The following TNFRSF12A variants were observed in gnomAD, a reference collection of about 807,000 sequenced individuals.
TNFRSF12A encodes the protein TNF receptor superfamily member 12A.
In TNFRSF12A, 13 loss-of-function variants were observed where a neutral mutation model predicts 15.5. The ratio of observed to expected loss-of-function variants is 0.84; its 90% CI spans 0.54 to 1.33. The LOEUF is 1.33. TNFRSF12A is among the 40% of genes most tolerant of loss of function. The pLI, the probability that TNFRSF12A is intolerant of heterozygous loss-of-function variation, is 0.00. For synonymous variants in TNFRSF12A, 89 were observed against 78.4 expected, an observed-to-expected ratio of 1.14 and a Z score of -0.71; for missense variants, 174 against 173.6, an observed-to-expected ratio of 1.00 and a Z score of -0.01.
At chr16:3,021,501 G>T in intron 2 of TNFRSF12A, 54 bp from the exon 3 acceptor site, 1 of 1,520,162 alleles carries the variant, frequency 6.6e-7, no homozygotes. Flanking sequence ...TCAGTCTTAG[G>T]GGGCGGGGCT....
Position 3,022,038 on chromosome 16 carries a change from G to A in TNFRSF12A, c.*212G>A, listed in dbSNP as rs1379424740. 1.1e-5 allele frequency: 6 copies of A among 564,318 alleles called. No homozygotes were observed. The highest frequency in any genetic ancestry group is 1.6e-5 in the Non-Finnish European group (5 of 321,452). The allele number at this position is 564,318 out of a possible 1,614,324, so 35.0% of individuals were successfully genotyped here. ...CTGCCTCTGGCTCCAGAACAGAAAG[G>A]GAGCCTCACGCTGGCTCACACAAAA... On this transcript the variant is annotated 3_prime_UTR_variant, in exon 4 of 4. Coordinates refer to ENST00000326577, the MANE Select transcript of TNFRSF12A (RefSeq NM_016639.3).
chr16:3,020,475 C>A lies in TNFRSF12A; in HGVS notation c.78C>A (p.Ala26=). The change falls in exon 1 of 4, where the codon GCC becomes GCA. Residue 26 remains alanine, a synonymous_variant. Coordinates refer to ENST00000326577, the MANE Select transcript of TNFRSF12A (RefSeq NM_016639.3). ...GGCTGGCGTTGCTGCGCTCCGTGGCCGGGGAGCAAGCGCCAGGTACGCGGG... is the reference window on the plus strand; with the variant it reads ...GGCTGGCGTTGCTGCGCTCCGTGGCAGGGGAGCAAGCGCCAGGTACGCGGG... The part of the protein sequence containing the change: ...GLWLALLRSV[A]GEQAPGTAPC... The A allele has an allele frequency of 7.7e-7, 1 of 1,294,502 alleles. No individual in the cohort carries two copies. 80.2% of individuals were successfully genotyped at this position (1,294,502 alleles called of 1,614,324 possible).
At chr16:3,021,477 A>C in intron 2 of TNFRSF12A, 78 bp from the exon 3 acceptor site, 1 of 1,459,114 alleles carries the variant, frequency 6.9e-7, no homozygotes, top group Non-Finnish European at 9.0e-7. Flanking sequence ...CACGTTTGGG[A>C]GAAGGCAGAA....
chr16:3,021,635 C>T lies in TNFRSF12A; in HGVS notation c.280C>T (p.Leu94=). Residue 94 remains leucine, a synonymous_variant, in exon 3 of 4, where the codon CTG becomes TTG. Transcript: ENST00000326577. ...TCTGAGCCTGACCTTCGTGCTGGGG[C>T]TGCTTTCTGGCTTTTTGGTCTGGAG... is the stretch of plus-strand genomic sequence containing the variant. ...GALSLTFVLG[L]LSGFLVWRRC... 2.5e-6 allele frequency: 4 copies of T among 1,613,744 alleles called. No homozygotes were observed. The highest frequency in any genetic ancestry group is 3.4e-6 in the Non-Finnish European group (4 of 1,180,006).
At chr16:3,021,497 T>C in intron 2 of TNFRSF12A, 58 bp from the exon 3 acceptor site, 3 of 1,516,480 alleles carry the variant, frequency 2.0e-6, no homozygotes, top group Non-Finnish European at 2.6e-6. Flanking sequence ...AGGCTCAGTC[T>C]TAGGGGGCGG....
At position 3,020,479 on chromosome 16, in the gene TNFRSF12A, G is replaced by T. The variant is rs759792091; in HGVS notation, c.82G>T (p.Glu28Ter). 2.3e-6 allele frequency: 3 copies of T among 1,294,354 alleles called. No individual in the cohort carries two copies. The highest frequency in any genetic ancestry group is 2.9e-6 in the Non-Finnish European group (3 of 1,019,930). 80.2% of individuals were successfully genotyped at this position (1,294,354 alleles called of 1,614,324 possible). ...WLALLRSVAG[E>*]QAPGTAPCSR... ...GGCGTTGCTGCGCTCCGTGGCCGGG[G>T]AGCAAGCGCCAGGTACGCGGGACTC... The change falls in exon 1 of 4, where the codon GAG (glutamate) becomes TAG (stop). Residue 28 changes from glutamate to a stop codon, truncating the protein, a stop_gained. Transcript: ENST00000326577. LOFTEE classifies it high-confidence loss of function.
chr16:3,020,630 G>T (rs921308986), intron 1 of TNFRSF12A, 139 bp downstream of exon 1: 8 of 500,222 alleles, frequency 1.6e-5, no homozygotes, highest in African/African-American at 1.6e-4. Context: ...GCTCGCTCCC[G>T]GCTGTGGGAA....
In TNFRSF12A at chr16:3,022,354, T is replaced by C. The variant is rs2072624218; in HGVS notation, c.*528T>C. 5.1e-6 allele frequency: 1 copy of C among 194,458 alleles called. No individual in the cohort carries two copies. Among genetic ancestry groups the C allele is most frequent in the African/African-American group, 2.3e-5 (1 of 43,078 alleles). The allele number at this position is 194,458 out of a possible 1,614,324, so 12.0% of individuals were successfully genotyped here. A position where few individuals can be genotyped will look rare whatever the true frequency, so the allele number is the denominator to read the frequency against. Reference sequence around the variant, plus strand: ...GGGAGAGTTTGGAGGGGAGGGAGAATTTATTAATAAAAGAATCTTTAACTT... The same window carrying C: ...GGGAGAGTTTGGAGGGGAGGGAGAACTTATTAATAAAAGAATCTTTAACTT... On this transcript the variant is annotated 3_prime_UTR_variant, in exon 4 of 4. Transcript: ENST00000326577.
rs866202462 is a variant in TNFRSF12A, at chr16:3,022,026, C to T, written c.*200C>T. ...TGTCTGGTTGCCCTGCCTCTGGCTC[C>T]AGAACAGAAAGGGAGCCTCACGCTG... is the stretch of plus-strand genomic sequence containing the variant. On this transcript the variant is annotated 3_prime_UTR_variant, in exon 4 of 4. Coordinates refer to ENST00000326577, the MANE Select transcript of TNFRSF12A (RefSeq NM_016639.3). 6.9e-6 allele frequency: 4 copies of T among 583,310 alleles called. No homozygotes were observed. The highest frequency in any genetic ancestry group is 1.2e-5 in the Non-Finnish European group (4 of 335,224). 36.1% of individuals were successfully genotyped at this position (583,310 alleles called of 1,614,324 possible). A position where few individuals can be genotyped will look rare whatever the true frequency, so the allele number is the denominator to read the frequency against.
intron 3 of TNFRSF12A, 22 bp from the exon 4 acceptor site, chr16:3,021,749 G>A: frequency 6.2e-7 from 1 of 1,611,398 alleles, no homozygotes; most frequent in South Asian, 1.1e-5. Flanking sequence ...TGCTGCTGAC[G>A]ACCCCACCTC....
Position 3,020,424 on chromosome 16 carries a change from G to A in TNFRSF12A, c.27G>A (p.Leu9=), listed in dbSNP as rs758217554. Residue 9 remains leucine (L), a synonymous_variant, in exon 1 of 4, where the codon TTG becomes TTA. Coordinates refer to ENST00000326577, the MANE Select transcript of TNFRSF12A (RefSeq NM_016639.3). MARGSLRR[L]LRLLVLGLWL... is the part of the protein sequence containing the mutation. Reference sequence around the variant, plus strand: ...TGGCTCGGGGCTCGCTGCGCCGGTTGCTGCGGCTCCTCGTGCTGGGGCTCT... The same window carrying A: ...TGGCTCGGGGCTCGCTGCGCCGGTTACTGCGGCTCCTCGTGCTGGGGCTCT... 1.5e-6 allele frequency: 2 copies of A among 1,292,144 alleles called. No individual in the cohort carries two copies. Among genetic ancestry groups the A allele is most frequent in the Non-Finnish European group, 9.8e-7 (1 of 1,019,402 alleles). The allele number at this position is 1,292,144 out of a possible 1,614,324, so 80.0% of individuals were successfully genotyped here. A position where few individuals can be genotyped will look rare whatever the true frequency, so the allele number is the denominator to read the frequency against.
In TNFRSF12A at chr16:3,022,288, C is replaced by A. The variant is rs1459696467; in HGVS notation, c.*462C>A. 9 of 282,404 alleles carry A rather than the reference C, an allele frequency of 3.2e-5. No homozygotes were observed. The highest frequency in any genetic ancestry group is 5.9e-5 in the Non-Finnish European group (9 of 152,132). 17.5% of individuals were successfully genotyped at this position (282,404 alleles called of 1,614,324 possible). On this transcript the variant is annotated 3_prime_UTR_variant, in exon 4 of 4. Transcript: ENST00000326577. ...AGGAGGGCTGGCCCTAAGATACAGA[C>A]CCCCCCAACTCCCCAAAGCGGGGAG...
In TNFRSF12A at chr16:3,021,943, G is replaced by T. The variant is rs558334556; in HGVS notation, c.*117G>T. The T allele has an allele frequency of 5.1e-6, 6 of 1,183,142 alleles. No homozygotes were observed. The highest frequency in any genetic ancestry group is 2.5e-5 in the East Asian group (1 of 39,864). 73.3% of individuals were successfully genotyped at this position (1,183,142 alleles called of 1,614,324 possible). On this transcript the variant is annotated 3_prime_UTR_variant, in exon 4 of 4. Coordinates refer to ENST00000326577, the MANE Select transcript of TNFRSF12A (RefSeq NM_016639.3). ...AAGCTCCTCCAACCACAAGGGGGGT[G>T]GGGGGCGGTGAATCACCTCTGAGGC... is the stretch of plus-strand genomic sequence containing the variant.
At position 3,021,999 on chromosome 16, in the gene TNFRSF12A, G is replaced by A. The variant is rs766976330; in HGVS notation, c.*173G>A. ...CCCAGGGTTCAGGGGAACCTTCCAAGGTGTCTGGTTGCCCTGCCTCTGGCT... is the reference window on the plus strand; with the variant it reads ...CCCAGGGTTCAGGGGAACCTTCCAAAGTGTCTGGTTGCCCTGCCTCTGGCT... On this transcript the variant is annotated 3_prime_UTR_variant, in exon 4 of 4. Coordinates refer to ENST00000326577, the MANE Select transcript of TNFRSF12A (RefSeq NM_016639.3). 7 of 665,286 alleles carry A rather than the reference G, an allele frequency of 1.1e-5. No homozygotes were observed. Among genetic ancestry groups the A allele is most frequent in the East Asian group, 8.7e-5 (3 of 34,380 alleles). The allele number at this position is 665,286 out of a possible 1,614,324, so 41.2% of individuals were successfully genotyped here.
rs1171003515 is a variant in TNFRSF12A, at chr16:3,021,552, C to G, written c.200-3C>G. 6.2e-7 allele frequency: 1 copy of G among 1,601,702 alleles called. No individual in the cohort carries two copies. The highest frequency in any genetic ancestry group is 8.5e-7 in the Non-Finnish European group (1 of 1,173,844). On this transcript the variant is annotated splice_polypyrimidine_tract_variant and splice_region_variant and intron_variant, in intron 2 of 3. Coordinates refer to ENST00000326577, the MANE Select transcript of TNFRSF12A (RefSeq NM_016639.3). ...GAGGTCTGACTCCGAGTCCCGCCCCCAGGCGCTGCAGCACCTCCTGCCCCC... is the reference window on the plus strand; with the variant it reads ...GAGGTCTGACTCCGAGTCCCGCCCCGAGGCGCTGCAGCACCTCCTGCCCCC...
intron 2 of TNFRSF12A, 45 bp from the exon 3 acceptor site, chr16:3,021,510 C>G: frequency 6.5e-7 from 1 of 1,539,338 alleles, no homozygotes; most frequent in East Asian, 2.3e-5. Context: ...GGGGGCGGGG[C>G]TGGCCTGGAG....
Position 3,022,174 on chromosome 16 carries a change from C to T in TNFRSF12A, c.*348C>T. ...TTGGGGGGCAGACTTGACACTAGGC[C>T]CCACTCACTCAGATGTCCTGAAATT... On this transcript the variant is annotated 3_prime_UTR_variant, in exon 4 of 4. Coordinates refer to ENST00000326577, the MANE Select transcript of TNFRSF12A (RefSeq NM_016639.3). The T allele has an allele frequency of 4.7e-6, 2 of 423,954 alleles. No individual in the cohort carries two copies. Among genetic ancestry groups the T allele is most frequent in the Non-Finnish European group, 8.3e-6 (2 of 240,966 alleles). 26.3% of individuals were successfully genotyped at this position (423,954 alleles called of 1,614,324 possible).
At chr16:3,021,361 G>A in intron 2 of TNFRSF12A, 42 bp downstream of exon 2, 3 of 1,494,208 alleles carry the variant, frequency 2.0e-6, no homozygotes, top group Non-Finnish European at 8.9e-7. Flanking sequence ...ACCCCAGACT[G>A]GGAGGGAGGG....
chr16:3,021,932 A>G lies in TNFRSF12A; in HGVS notation c.*106A>G, dbSNP rs1380262207. On this transcript the variant is annotated 3_prime_UTR_variant, in exon 4 of 4. Coordinates refer to ENST00000326577, the MANE Select transcript of TNFRSF12A (RefSeq NM_016639.3). Reference sequence around the variant, plus strand: ...CGGCGGGAGCCAAGCTCCTCCAACCACAAGGGGGGTGGGGGGCGGTGAATC... The same window carrying G: ...CGGCGGGAGCCAAGCTCCTCCAACCGCAAGGGGGGTGGGGGGCGGTGAATC... The G allele has an allele frequency of 8.1e-7, 1 of 1,237,538 alleles. No individual in the cohort carries two copies. The highest frequency in any genetic ancestry group is 1.1e-6 in the Non-Finnish European group (1 of 885,636). The allele number at this position is 1,237,538 out of a possible 1,614,324, so 76.7% of individuals were successfully genotyped here.
Sources: allele counts gnomAD v4.1 joint callset, GRCh38; gene constraint gnomAD v4.1.1; transcripts MANE v1.5; gene names NCBI Gene and HGNC (gene_info 2026-07-23, HGNC 2026-07-21).